Variants in CHD8 observed in about 807,000 individuals in gnomAD.
CHD8 encodes the protein chromodomain helicase DNA binding protein 8, also known as ATP-dependent chromatin remodeler CHD8.
Under a neutral mutation model 279.2 loss-of-function variants are expected in CHD8, and 31 were observed. That is an observed-to-expected ratio of 0.11 (90% CI 0.08 to 0.15). The LOEUF is 0.15. Ranked by LOEUF, CHD8 falls within the 10% of genes least tolerant of loss-of-function variation. The pLI is 1.00. For synonymous variants in CHD8, 1,081 were observed against 1,139.6 expected (o/e 0.95, Z 1.04); for missense variants, 2,146 against 3,230.5 (o/e 0.66, Z 8.14).
At chr14:21,414,562 ACT>A (rs1888636999) in intron 8 of CHD8, 144 bp from the exon 9 acceptor site, 2 of 609,130 alleles carry the variant, frequency 3.3e-6, no homozygotes, top group Admixed American at 6.0e-5. Flanking sequence ...TGCTTCTGAA[ACT>A]CTAATTTGTA....
chr14:21,451,299 G>T (rs1428647249), intron 1 of CHD8, among the ~76,000 whole-genome samples: 1 of 152,052 alleles, frequency 6.6e-6, no homozygotes, highest in Admixed American at 6.6e-5. Context: ...GCTGGGTGCG[G>T]TAGCTCACAC....
chr14:21,395,647 CT>C, intron 28 of CHD8, 169 bp downstream of exon 28: 1 of 610,006 alleles, frequency 1.6e-6, no homozygotes, highest in East Asian at 2.8e-5. Flanking sequence ...TGATCTCCCC[CT>C]ACTGGCATTA....
intron 7 of CHD8, 123 bp from the exon 8 acceptor site, chr14:21,415,116 AT>A: frequency 1.5e-6 from 1 of 682,030 alleles, no homozygotes; most frequent in Admixed American, 2.7e-5. Context: ...TAACTCAGAG[AT>A]TAAGGAACTA....
chr14:21,409,001 A>G (rs1888367655), intron 11 of CHD8, among the ~76,000 whole-genome samples, 176 bp from the exon 12 acceptor site: 1 of 152,256 alleles, frequency 6.6e-6, no homozygotes, highest in Non-Finnish European at 1.5e-5. Context: ...TAATGATCAC[A>G]AATGGCTGAC....
chr14:21,437,524 T>TG lies in CHD8; in HGVS notation c.-215-5667_-215-5666insC, dbSNP rs1417903745. Among the ~76,000 whole-genome samples the TG allele has an allele frequency of 3.3e-5, 5 of 151,304 alleles. No individual in the cohort carries two copies. In the East Asian group the frequency reaches 9.9e-4, roughly 30 times the overall value. The stretch of plus-strand genomic sequence containing the variant: ...TAGTACGCGAAACCAGTCCTGGAGA[T>TG]TAAATTCCCTACCATCTACTCTGAA... On this transcript the variant is annotated intron_variant, in intron 1 of 37. Transcript: ENST00000646647.
In CHD8 at chr14:21,386,092, G is replaced by C. The variant is rs1555312075; in HGVS notation, c.7267C>G (p.Arg2423Gly). ...ESSKKRARRM[R>G]PDLSKMMALM... is the part of the protein sequence containing the mutation. ...GCCATCATCTTAGAAAGGTCTGGTCGCATCCTACGGGCCCGCTTCTTGCTG... is the reference window on the plus strand; with the variant it reads ...GCCATCATCTTAGAAAGGTCTGGTCCCATCCTACGGGCCCGCTTCTTGCTG... The change falls in exon 38 of 38, where the codon CGA becomes GGA. Residue 2423 changes from arginine to glycine, a missense_variant. By Grantham distance (125) the Arg-to-Gly change is moderately radical. Around this residue, in one of 26 missense-constraint regions of CHD8, gnomAD observed 336 missense variants for 392.9 expected, o/e 0.86. Coordinates refer to ENST00000646647, the MANE Select transcript of CHD8 (RefSeq NM_001170629.2). 2 of 1,564,796 alleles carry C rather than the reference G, an allele frequency of 1.3e-6. No individual in the cohort carries two copies. Among genetic ancestry groups the C allele is most frequent in the African/African-American group, 1.4e-5 (1 of 73,654 alleles).
intron 32 of CHD8, 24 bp downstream of exon 32, chr14:21,393,452 C>T (rs747218275): frequency 6.5e-7 from 1 of 1,532,788 alleles, no homozygotes; most frequent in Non-Finnish European, 8.8e-7. Flanking sequence ...GGAAGGGGGC[C>T]AACAGCCTGT....
intron 5 of CHD8, among the ~76,000 whole-genome samples, chr14:21,418,572 T>C (rs1418107763): frequency 6.6e-6 from 1 of 151,754 alleles, no homozygotes; most frequent in African/African-American, 2.4e-5. Flanking sequence ...TCCCAGCACT[T>C]TGGGAGGCCA....
Position 21,408,699 on chromosome 14 carries a change from T to C in CHD8, c.2486+5A>G. ...TTACATCTTATGGCCCATTCTTTCC[T>C]TTACCTGTTATACCAATTAAAGAGC... On this transcript the variant is annotated splice_donor_5th_base_variant and intron_variant, in intron 12 of 37. Transcript: ENST00000646647. The surrounding 1 kb of genome is among the most constrained non-coding windows in gnomAD (Gnocchi z 4.3). The C allele has an allele frequency of 6.2e-7, 1 of 1,609,276 alleles. No individual in the cohort carries two copies. The highest frequency in any genetic ancestry group is 8.5e-7 in the Non-Finnish European group (1 of 1,177,758).
rs1194970342 is a variant in CHD8 at position 21,385,953 on chromosome 14, G to C, written c.7406C>G (p.Ser2469Cys). Reference protein sequence around the residue: ...SLGHSSATSASLPFMPFVMGG... With the variant: ...SLGHSSATSACLPFMPFVMGG... ...CATCACAAATGGCATAAAAGGCAAAGATGCAGAAGTGGCACTGCTGTGACC... is the reference window on the plus strand; with the variant it reads ...CATCACAAATGGCATAAAAGGCAAACATGCAGAAGTGGCACTGCTGTGACC... Residue 2469 changes from serine to cysteine, a missense_variant, in exon 38 of 38, where the codon TCT becomes TGT. Physicochemically the swap from Ser to Cys is moderately radical, Grantham distance 112 (BLOSUM62 -1). Around this residue, in one of 26 missense-constraint regions of CHD8, gnomAD observed 336 missense variants for 392.9 expected, o/e 0.86. Coordinates refer to ENST00000646647, the MANE Select transcript of CHD8 (RefSeq NM_001170629.2). 3.2e-6 allele frequency: 5 copies of C among 1,558,512 alleles called. No individual in the cohort carries two copies. The Admixed American group carries it at 7.8e-5, about 24-fold the overall frequency.
At chr14:21,453,816 T>C (rs1250880173) in intron 1 of CHD8, among the ~76,000 whole-genome samples, 1 of 151,930 alleles carries the variant, frequency 6.6e-6, no homozygotes, top group African/African-American at 2.4e-5. Flanking sequence ...TCAAATCTTA[T>C]TTCTTCAGTA....
intron 1 of CHD8, among the ~76,000 whole-genome samples, chr14:21,439,133 GAAA>G (rs372737115): frequency 6.7e-6 from 1 of 149,466 alleles, no homozygotes; most frequent in African/African-American, 2.5e-5. Context: ...TCTCAAAAAA[GAAA>G]AAAAAAGGGC....
At chr14:21,437,221 C>T in intron 1 of CHD8, 2 of 1,185,026 alleles carry the variant, frequency 1.7e-6, no homozygotes, top group South Asian at 3.1e-5. Context: ...GGCCGGTTCG[C>T]CCCTCTCCCT....
chr14:21,410,177 A>C (rs1444800364), intron 10 of CHD8, among the ~76,000 whole-genome samples, 189 bp from the exon 11 acceptor site: 1 of 152,222 alleles, frequency 6.6e-6, no homozygotes, highest in Non-Finnish European at 1.5e-5. Context: ...TCATTCTTCA[A>C]AGCAATTTAT....
At chr14:21,438,662 G>A (rs1396488136) in intron 1 of CHD8, among the ~76,000 whole-genome samples, 4 of 151,408 alleles carry the variant, frequency 2.6e-5, no homozygotes, top group East Asian at 1.9e-4. Context: ...GTGAAACCCC[G>A]TCTCTACTAA....
rs757096521 is a variant in CHD8, at chr14:21,393,754, G to A, written c.6041C>T (p.Thr2014Ile). Residue 2014 changes from threonine to isoleucine, a missense_variant, in exon 32 of 38, where the codon ACC (threonine) becomes ATC (isoleucine). Physicochemically the swap from Thr to Ile is moderately conservative, Grantham distance 89. Around this residue, in one of 26 missense-constraint regions of CHD8, gnomAD observed 513 missense variants for 637.6 expected, o/e 0.80. Transcript: ENST00000646647. ...PVEKSPEETATQVPSLESLTL... is the reference protein window; with the variant it reads ...PVEKSPEETAIQVPSLESLTL... ...CAGACTCTCCAGACTGGGGACCTGG[G>A]TAGCTGTCTCCTCGGGTGACTTTTC... is the stretch of plus-strand genomic sequence containing the variant. 2 of 1,613,812 alleles carry A rather than the reference G, an allele frequency of 1.2e-6. No homozygotes were observed. Among genetic ancestry groups the A allele is most frequent in the African/African-American group, 1.3e-5 (1 of 74,922 alleles).
In CHD8 at chr14:21,405,879, A is replaced by T; in HGVS notation, c.2908-15T>A. 1 of 1,596,888 alleles carries T rather than the reference A, an allele frequency of 6.3e-7. No homozygotes were observed. The highest frequency in any genetic ancestry group is 8.5e-7 in the Non-Finnish European group (1 of 1,173,210). ...ACCTTGTGTTCCTAGAAATGGAGGA[A>T]ACAAAAGAATAAAATTTAAAAACAT... On this transcript the variant is annotated splice_polypyrimidine_tract_variant and intron_variant, in intron 14 of 37. Transcript: ENST00000646647. This position sits in a 1 kb window ranked among gnomAD's most constrained non-coding sequence, Gnocchi z 4.2.
chr14:21,416,231 T>C (rs1888717155), intron 5 of CHD8: 1 of 216,828 alleles, frequency 4.6e-6, no homozygotes, highest in African/African-American at 2.3e-5. Context: ...AACCCGTTAG[T>C]GCAAAAATGC....
chr14:21,405,663 T>G lies in CHD8; in HGVS notation c.3051+58A>C. 6.3e-7 allele frequency: 1 copy of G among 1,588,486 alleles called. No homozygotes were observed. Among genetic ancestry groups the G allele is most frequent in the Non-Finnish European group, 8.6e-7 (1 of 1,161,962 alleles). The stretch of plus-strand genomic sequence containing the variant: ...ATACCCATGACAACAGATGTCTGCC[T>G]TGTACAAACTTCACCTTCTTTGTCC... On this transcript the variant is annotated intron_variant, in intron 15 of 37. Coordinates refer to ENST00000646647, the MANE Select transcript of CHD8 (RefSeq NM_001170629.2). This position sits in a 1 kb window ranked among gnomAD's most constrained non-coding sequence, Gnocchi z 4.2.
Sources: allele counts gnomAD v4.1 joint callset (sites outside exome capture counted in the v4.1 genomes callset), GRCh38; gene constraint gnomAD v4.1.1; regional missense constraint gnomAD v4.1.1; non-coding constraint Gnocchi (gnomAD v3.1); transcripts MANE v1.5; gene names NCBI Gene and HGNC (gene_info 2026-07-23, HGNC 2026-07-21).